Variants in IFT43 observed in about 807,000 individuals in gnomAD.
IFT43 encodes intraflagellar transport 43, also known as intraflagellar transport protein 43 homolog.
Under a neutral mutation model 32.3 loss-of-function variants are expected in IFT43, and 33 were observed. The ratio of observed to expected loss-of-function variants is 1.02; its 90% CI spans 0.77 to 1.37. IFT43 has a LOEUF of 1.37. Among genes scored for constraint, IFT43 ranks in the 40% most tolerant of loss-of-function variants. The pLI, the probability that IFT43 is intolerant of heterozygous loss-of-function variation, is 0.00. For missense variants in IFT43, 274 were observed against 265.9 expected (o/e 1.03, Z -0.21); for synonymous variants, 93 against 98.2 (o/e 0.95, Z 0.31).
intron 3 of IFT43, among the ~76,000 whole-genome samples, chr14:76,044,723 C>A (rs1210232806): frequency 6.6e-6 from 1 of 152,030 alleles, no homozygotes; most frequent in African/African-American, 2.4e-5. Context: ...TTGGAGATTC[C>A]AAGGGTTTTA....
chr14:76,056,361 G>T (rs948666565), intron 3 of IFT43, among the ~76,000 whole-genome samples: 1 of 152,220 alleles, frequency 6.6e-6, no homozygotes, highest in Non-Finnish European at 1.5e-5. Flanking sequence ...GAGTCCTTGG[G>T]CTCCCCCTAG....
intron 3 of IFT43, among the ~76,000 whole-genome samples, chr14:76,031,094 G>T (rs566877594): frequency 1.4e-5 from 2 of 148,008 alleles, no homozygotes; most frequent in African/African-American, 4.9e-5. Context: ...AATTATATAT[G>T]TATATATAAG....
chr14:76,071,278 A>G (rs1020067018), intron 5 of IFT43, among the ~76,000 whole-genome samples: 36 of 152,178 alleles, frequency 2.4e-4, no homozygotes, highest in African/African-American at 8.7e-4. Flanking sequence ...AGGAAATAAT[A>G]TTGGTAATTA....
chr14:76,025,713 C>T (rs2036379023), intron 3 of IFT43, among the ~76,000 whole-genome samples: 1 of 152,086 alleles, frequency 6.6e-6, no homozygotes, highest in Admixed American at 6.6e-5. Context: ...ATTCCTTATT[C>T]AATAAATGGT....
intron 5 of IFT43, among the ~76,000 whole-genome samples, chr14:76,065,014 A>G (rs1448772471): frequency 1.1e-4 from 16 of 152,226 alleles, no homozygotes; most frequent in Admixed American, 1.0e-3. Context: ...CATGTTATAA[A>G]TACATGGAAT....
At chr14:76,013,511 T>C (rs1424330290) in intron 2 of IFT43, among the ~76,000 whole-genome samples, 1 of 152,162 alleles carries the variant, frequency 6.6e-6, no homozygotes, top group African/African-American at 2.4e-5. Flanking sequence ...CAGATTGCCC[T>C]GGGGAGACAG....
intron 2 of IFT43, among the ~76,000 whole-genome samples, chr14:75,995,958 G>A (rs2035737516): frequency 6.6e-6 from 1 of 152,218 alleles, no homozygotes; most frequent in Admixed American, 6.5e-5. Flanking sequence ...GCCGCTGTGT[G>A]GGAGGGAATG....
At chr14:76,041,359 G>A (rs909318148) in intron 3 of IFT43, among the ~76,000 whole-genome samples, 1 of 152,202 alleles carries the variant, frequency 6.6e-6, no homozygotes, top group African/African-American at 2.4e-5. Flanking sequence ...ACAGCCAAAA[G>A]CACAGCCACC....
At chr14:76,076,465 G>A (rs917116935) in intron 5 of IFT43, 42 of 1,367,856 alleles carry the variant, frequency 3.1e-5, no homozygotes, top group Admixed American at 5.9e-5. Flanking sequence ...GGACCCAGGG[G>A]CCAGATTGGG....
At chr14:76,014,111 C>A in intron 2 of IFT43, 10 of 278,174 alleles carry the variant, frequency 3.6e-5, no homozygotes, top group East Asian at 1.0e-4. Flanking sequence ...AAAGAGTTTA[C>A]AAAGAAATAT....
intron 1 of IFT43, 182 bp downstream of exon 1, chr14:75,986,022 G>T: frequency 6.6e-7 from 1 of 1,526,562 alleles, no homozygotes. Context: ...GCCGCTGCTG[G>T]CCTGGGGTTT....
chr14:76,070,745 G>A (rs971094088), intron 5 of IFT43, among the ~76,000 whole-genome samples: 1 of 151,918 alleles, frequency 6.6e-6, no homozygotes, highest in Non-Finnish European at 1.5e-5. Flanking sequence ...AGTGAGTTCC[G>A]GTTGTTTAAG....
intron 2 of IFT43, among the ~76,000 whole-genome samples, chr14:75,998,421 G>A (rs2035787872): frequency 6.6e-6 from 1 of 152,200 alleles, no homozygotes; most frequent in South Asian, 2.1e-4. Flanking sequence ...CTCTAAGAGA[G>A]GGTTTTAGAG....
chr14:76,000,176 A>G (rs2035855173), intron 2 of IFT43, among the ~76,000 whole-genome samples: 1 of 151,700 alleles, frequency 6.6e-6, no homozygotes, highest in African/African-American at 2.4e-5. Flanking sequence ...ACTTAAATGC[A>G]TTTATTTTTA....
intron 5 of IFT43, among the ~76,000 whole-genome samples, chr14:76,063,348 T>G (rs555302284): frequency 6.6e-6 from 1 of 152,362 alleles, no homozygotes; most frequent in South Asian, 2.1e-4. Context: ...GAGGCACAGC[T>G]TAGTATCCAG....
intron 5 of IFT43, among the ~76,000 whole-genome samples, chr14:76,079,506 C>T (rs1296669518): frequency 1.3e-5 from 2 of 152,070 alleles, no homozygotes; most frequent in Non-Finnish European, 2.9e-5. Flanking sequence ...ACTAGTAGGT[C>T]GTGGAGCCGG....
At chr14:76,055,951 G>A (rs150142853) in intron 3 of IFT43, among the ~76,000 whole-genome samples, 165 of 152,226 alleles carry the variant, frequency 1.1e-3, no homozygotes, top group East Asian at 2.7e-3. Flanking sequence ...ATGCGGGGTC[G>A]GGGGAGCTCA....
intron 5 of IFT43, among the ~76,000 whole-genome samples, chr14:76,068,505 G>A (rs2037265662): frequency 6.6e-6 from 1 of 152,198 alleles, no homozygotes; most frequent in Non-Finnish European, 1.5e-5. Context: ...GGGAAGTGGG[G>A]ATTCATGATT....
intron 5 of IFT43, 42 bp downstream of exon 5, chr14:76,059,415 GC>G: frequency 6.3e-7 from 1 of 1,584,688 alleles, no homozygotes; most frequent in Non-Finnish European, 8.7e-7. Context: ...TTCTAGAGAG[GC>G]CCCAGAACAT....
Sources: allele counts gnomAD v4.1 joint callset (sites outside exome capture counted in the v4.1 genomes callset), GRCh38; gene constraint gnomAD v4.1.1; transcripts MANE v1.5; gene names NCBI Gene and HGNC (gene_info 2026-07-23, HGNC 2026-07-21).